The following SYT8 variants were observed in gnomAD, a reference collection of about 807,000 sequenced individuals.
The protein encoded by SYT8 is synaptotagmin-8.
A neutral mutation model predicts 34.9 loss-of-function variants in SYT8; 50 were observed. The ratio of observed to expected loss-of-function variants is 1.43; its 90% CI spans 1.14 to 1.81. The LOEUF (loss-of-function observed/expected upper bound fraction) is 1.81. Among genes scored for constraint, SYT8 ranks in the 40% most tolerant of loss-of-function variants. SYT8 has a pLI of 0.00. For synonymous variants in SYT8, 255 were observed against 234.2 expected, an observed-to-expected ratio of 1.09 and a Z score of -0.81; for missense variants, 595 against 529.0, an observed-to-expected ratio of 1.12 and a Z score of -1.22.
At position 1,836,168 on chromosome 11, in the gene SYT8, G is replaced by C; in HGVS notation, c.400G>C (p.Gly134Arg). 1 of 1,531,852 alleles carries C rather than the reference G, an allele frequency of 6.5e-7. No homozygotes were observed. Among genetic ancestry groups the C allele is most frequent in the African/African-American group, 1.4e-5 (1 of 72,216 alleles). The allele number at this position is 1,531,852 out of a possible 1,614,324, so 94.9% of individuals were successfully genotyped here. A position where few individuals can be genotyped will look rare whatever the true frequency, so the allele number is the denominator to read the frequency against. ...LRQAADLRPG[G>R]TVDPYARVSV... ...GCAGGCAGCCGACCTGAGGCCTGGG[G>C]GCACCGTGGACCCCTATGCCCGGGT... is the stretch of plus-strand genomic sequence containing the variant. The change falls in exon 4 of 8, where the codon GGC becomes CGC. Residue 134 changes from glycine to arginine, a missense_variant. Coordinates refer to ENST00000341958, the MANE Select transcript of SYT8 (RefSeq NM_001394072.1).
Position 1,837,515 on chromosome 11 carries a change from C to G in SYT8, c.*84C>G, listed in dbSNP as rs1247304132. 19 of 1,547,460 alleles carry G rather than the reference C, an allele frequency of 1.2e-5. No homozygotes were observed. Among genetic ancestry groups the G allele is most frequent in the Non-Finnish European group, 1.6e-5 (18 of 1,149,238 alleles). ...AGGACCACTGCAATAAACGCCTTCTCCTGCCACTGTGTGTCCGGCTGGAGC... is the reference window on the plus strand; with the variant it reads ...AGGACCACTGCAATAAACGCCTTCTGCTGCCACTGTGTGTCCGGCTGGAGC... On this transcript the variant is annotated 3_prime_UTR_variant, in exon 8 of 8. Transcript: ENST00000341958.
chr11:1,834,668 C>T, upstream of SYT8: 5 of 1,518,320 alleles, frequency 3.3e-6, no homozygotes, highest in Non-Finnish European at 4.5e-6. The surrounding 1 kb of genome is among the most constrained non-coding windows in gnomAD (Gnocchi z 4.5). Flanking sequence ...GAGATGAGAC[C>T]CCCAGGGATG....
chr11:1,833,032 T>C (rs554372196), upstream of SYT8, among the ~76,000 whole-genome samples: 1 of 152,318 alleles, frequency 6.6e-6, no homozygotes, highest in Admixed American at 6.5e-5. Flanking sequence ...GAAGCTACTT[T>C]AATCTCAGCA....
At chr11:1,836,352 C>T in intron 4 of SYT8, 68 bp downstream of exon 4, 2 of 1,492,214 alleles carry the variant, frequency 1.3e-6, no homozygotes, top group Non-Finnish European at 1.8e-6. Flanking sequence ...TGGGCCTGGG[C>T]AGCTGGGTGG....
intron 2 of SYT8, 163 bp downstream of exon 2, chr11:1,835,622 A>G: frequency 1.1e-6 from 1 of 886,560 alleles, no homozygotes; most frequent in East Asian, 2.6e-5. Context: ...CAGAGGTGAG[A>G]AGGAGGCCAT....
chr11:1,836,456 T>G lies in SYT8; in HGVS notation c.548T>G (p.Leu183Arg). ...IPQAELPGAT[L>R]QVQLFNFKRF... ...CAGGCGGAGCTGCCAGGGGCCACCC[T>G]GCAGGTGCAGCTTTTCAACTTCAAG... Residue 183 changes from leucine to arginine, a missense_variant, in exon 5 of 8, where the codon CTG becomes CGG. Physicochemically the swap from Leu to Arg is moderately radical, Grantham distance 102. Coordinates refer to ENST00000341958, the MANE Select transcript of SYT8 (RefSeq NM_001394072.1). The G allele has an allele frequency of 6.2e-7, 1 of 1,600,886 alleles. No homozygotes were observed. Among genetic ancestry groups the G allele is most frequent in the Non-Finnish European group, 8.5e-7 (1 of 1,175,214 alleles).
upstream of SYT8, chr11:1,834,145 G>C: frequency 4.4e-6 from 1 of 225,282 alleles, no homozygotes; most frequent in Non-Finnish European, 8.8e-6. The surrounding 1 kb of genome is among the most constrained non-coding windows in gnomAD (Gnocchi z 4.5). Context: ...GAGTCACCCT[G>C]GGCCTGGGGT....
Position 1,837,103 on chromosome 11 carries a change from G to A in SYT8, c.924+13G>A. On this transcript the variant is annotated intron_variant, in intron 7 of 7. Transcript: ENST00000341958. ...CAGCCAGGTCCAGGTGGGCCACCGG[G>A]AGGCAGGGGCAGAGCGAGACCCAGT... 6.2e-7 allele frequency: 1 copy of A among 1,613,138 alleles called. No homozygotes were observed.
At chr11:1,834,439 C>T (rs1846786367), upstream of SYT8, 2 of 829,510 alleles carry the variant, frequency 2.4e-6, no homozygotes, top group East Asian at 5.3e-5. This position sits in a 1 kb window ranked among gnomAD's most constrained non-coding sequence, Gnocchi z 4.5. Context: ...GCGCTGCGGC[C>T]CTGAGCCCCT....
chr11:1,836,104 A>G (rs1589789776), intron 3 of SYT8, 22 bp from the exon 4 acceptor site: 1 of 1,515,428 alleles, frequency 6.6e-7, no homozygotes, highest in Non-Finnish European at 8.8e-7. Context: ...CCCTTGGCTG[A>G]GCCCACCCCG....
In SYT8 at chr11:1,835,142, C is replaced by G. The variant is rs771571051; in HGVS notation, c.37C>G (p.Pro13Ala). 8.7e-6 allele frequency: 14 copies of G among 1,613,462 alleles called. No individual in the cohort carries two copies. Among genetic ancestry groups the G allele is most frequent in the Non-Finnish European group, 1.2e-5 (14 of 1,179,940 alleles). The part of the protein sequence containing the change: ...HPPVSPSAPA[P>A]AGTTAIPGLI... ...ACCAGTCTCTCCCAGTGCCCCGGCCCCAGCTGGCACCACAGCTATACCTGG... is the reference window on the plus strand; with the variant it reads ...ACCAGTCTCTCCCAGTGCCCCGGCCGCAGCTGGCACCACAGCTATACCTGG... The change falls in exon 1 of 8, where the codon CCA (proline) becomes GCA (alanine). Residue 13 changes from proline to alanine, a missense_variant. Pro to Ala is a conservative substitution (Grantham distance 27). Transcript: ENST00000341958.
chr11:1,834,745 T>G, upstream of SYT8: 1 of 913,330 alleles, frequency 1.1e-6, no homozygotes, highest in African/African-American at 1.7e-5. The surrounding 1 kb of genome is among the most constrained non-coding windows in gnomAD (Gnocchi z 4.5). Flanking sequence ...GGGAGAGAGC[T>G]TCCTGGTGGA....
chr11:1,835,834 C>G, intron 2 of SYT8, 52 bp from the exon 3 acceptor site: 1 of 1,506,970 alleles, frequency 6.6e-7, no homozygotes, highest in South Asian at 1.1e-5. Flanking sequence ...GCCCAGGGCT[C>G]TGATGAGGCA....
chr11:1,832,096 C>T (rs749855241), upstream of SYT8, among the ~76,000 whole-genome samples: 1 of 152,230 alleles, frequency 6.6e-6, no homozygotes, highest in African/African-American at 2.4e-5. Context: ...GGCTCACCCC[C>T]GTTCTGCCTG....
chr11:1,835,939 G>C lies in SYT8; in HGVS notation c.312G>C (p.Trp104Cys). The C allele has an allele frequency of 6.2e-7, 1 of 1,609,728 alleles. No individual in the cohort carries two copies. The highest frequency in any genetic ancestry group is 8.5e-7 in the Non-Finnish European group (1 of 1,178,876). The change falls in exon 3 of 8, where the codon TGG becomes TGC. Residue 104 changes from tryptophan to cysteine, a missense_variant. Physicochemically the swap from Trp to Cys is radical, Grantham distance 215 (BLOSUM62 -2). Coordinates refer to ENST00000341958, the MANE Select transcript of SYT8 (RefSeq NM_001394072.1). The part of the protein sequence containing the change: ...LESSPGDAQQ[W>C]GCLQLSLEFD... ...CCAGCCCGGGGGATGCTCAGCAATG[G>C]GGGTGCCTGCAGCTCTCCCTGGAGT...
rs1846820807 is a variant in SYT8 at position 1,835,029 on chromosome 11, G to A, written c.-77G>A. 6.8e-7 allele frequency: 1 copy of A among 1,471,698 alleles called. No individual in the cohort carries two copies. The highest frequency in any genetic ancestry group is 1.7e-5 in the Admixed American group (1 of 58,594). The allele number at this position is 1,471,698 out of a possible 1,614,324, so 91.2% of individuals were successfully genotyped here. A position where few individuals can be genotyped will look rare whatever the true frequency, so the allele number is the denominator to read the frequency against. ...CTGCTGCTAGTCAGATGGGGTAGCG[G>A]GCAGGGGCCGGAGGGGCCACCCTCC... is the stretch of plus-strand genomic sequence containing the variant. On this transcript the variant is annotated 5_prime_UTR_variant, in exon 1 of 8. Coordinates refer to ENST00000341958, the MANE Select transcript of SYT8 (RefSeq NM_001394072.1).
chr11:1,836,698 G>A (rs1846955843), intron 5 of SYT8, 58 bp from the exon 6 acceptor site: 5 of 1,596,212 alleles, frequency 3.1e-6, no homozygotes, highest in Admixed American at 1.7e-5. Context: ...TCGGGGGTCT[G>A]AGCCCCAACT....
At chr11:1,835,530 G>A (rs534547197) in intron 2 of SYT8, 71 bp downstream of exon 2, 70 of 1,566,472 alleles carry the variant, frequency 4.5e-5, no homozygotes, top group East Asian at 3.6e-4. Context: ...CCAGGGCAGC[G>A]AGGCGAGTTC....
In SYT8 at chr11:1,836,497, G is replaced by A. The variant is rs766322130; in HGVS notation, c.589G>A (p.Glu197Lys). 2.5e-6 allele frequency: 4 copies of A among 1,612,378 alleles called. No homozygotes were observed. Among genetic ancestry groups the A allele is most frequent in the African/African-American group, 2.7e-5 (2 of 75,048 alleles). The stretch of plus-strand genomic sequence containing the variant: ...CAACTTCAAGCGCTTCTCGGGGCAT[G>A]AGCCCCTGGGTGAGCTCCGTCTGCC... ...LFNFKRFSGHEPLGELRLPLG... is the reference protein window; with the variant it reads ...LFNFKRFSGHKPLGELRLPLG... Residue 197 changes from glutamate to lysine, a missense_variant, in exon 5 of 8, where the codon GAG becomes AAG. Physicochemically the swap from Glu to Lys is moderately conservative, Grantham distance 56. Transcript: ENST00000341958.
Sources: gnomAD v4.1 joint callset for allele counts (sites outside exome capture counted in the v4.1 genomes callset) on GRCh38, gnomAD v4.1.1 for gene constraint, Gnocchi (gnomAD v3.1) non-coding constraint, MANE v1.5 for transcripts, NCBI Gene and HGNC (gene_info 2026-07-23, HGNC 2026-07-21) for gene names.